Variants in NRXN3 observed in about 807,000 individuals in gnomAD.
The protein encoded by NRXN3 is neurexin 3.
Under a neutral mutation model 137.6 loss-of-function variants are expected in NRXN3, and 32 were observed. The observed-to-expected ratio is 0.23, with a 90% CI of 0.18 to 0.31. The LOEUF (loss-of-function observed/expected upper bound fraction) is 0.31. NRXN3 is among the 10% of genes least tolerant of loss of function. The pLI, the probability that NRXN3 is intolerant of heterozygous loss-of-function variation, is 1.00. For synonymous variants in NRXN3, 798 were observed against 784.5 expected (o/e 1.02, Z -0.29); for missense variants, 1,574 against 2,062.5 (o/e 0.76, Z 4.59).
chr14:78,375,510 T>C (rs1254250197), intron 4 of NRXN3, among the ~76,000 whole-genome samples: 1 of 152,192 alleles, frequency 6.6e-6, no homozygotes, highest in Non-Finnish European at 1.5e-5. Context: ...ATTCATCCAC[T>C]CATTACATAC....
At chr14:79,039,032 C>T (rs1264405408) in intron 15 of NRXN3, among the ~76,000 whole-genome samples, 5 of 152,050 alleles carry the variant, frequency 3.3e-5, no homozygotes, top group Non-Finnish European at 7.4e-5. Flanking sequence ...AAAAACACAA[C>T]CAGTGTCAGT....
intron 4 of NRXN3, among the ~76,000 whole-genome samples, chr14:78,406,476 A>G (rs2092492237): frequency 6.6e-6 from 1 of 152,200 alleles, no homozygotes; most frequent in South Asian, 2.1e-4. Flanking sequence ...ACCCTCTACT[A>G]AACAGCATAG....
chr14:79,224,401 T>G (rs1358436574), intron 15 of NRXN3, among the ~76,000 whole-genome samples: 1 of 152,182 alleles, frequency 6.6e-6, no homozygotes, highest in African/African-American at 2.4e-5. Flanking sequence ...ATTTAAAACT[T>G]TAATAATTAT....
intron 4 of NRXN3, among the ~76,000 whole-genome samples, chr14:78,569,188 C>T (rs1030094053): frequency 4.0e-5 from 6 of 151,642 alleles, no homozygotes; most frequent in Non-Finnish European, 7.4e-5. Flanking sequence ...AGGATGGTCT[C>T]GATCTCCTGA....
At chr14:79,549,589 A>G (rs1555517526) in intron 16 of NRXN3, among the ~76,000 whole-genome samples, 1 of 152,102 alleles carries the variant, frequency 6.6e-6, no homozygotes, top group African/African-American at 2.4e-5. Context: ...CTGGGTCAAC[A>G]TCTGCTCTGC....
intron 8 of NRXN3, among the ~76,000 whole-genome samples, chr14:78,796,550 C>A (rs1376881160): frequency 6.6e-6 from 1 of 152,148 alleles, no homozygotes; most frequent in African/African-American, 2.4e-5. Flanking sequence ...CAGCAATGAG[C>A]AAACTGGTAA....
chr14:79,612,878 A>G (rs916511568), intron 16 of NRXN3, among the ~76,000 whole-genome samples: 2 of 152,198 alleles, frequency 1.3e-5, no homozygotes, highest in African/African-American at 4.8e-5. Context: ...TAAAAATAAA[A>G]TGCTAAAATG....
At chr14:79,024,673 A>G (rs1159183933) in intron 15 of NRXN3, among the ~76,000 whole-genome samples, 1 of 152,128 alleles carries the variant, frequency 6.6e-6, no homozygotes, top group Non-Finnish European at 1.5e-5. Flanking sequence ...ATGGCCTTTC[A>G]GGGCTTGGTA....
intron 20 of NRXN3, among the ~76,000 whole-genome samples, chr14:79,856,722 TG>T (rs1459345469): frequency 3.9e-5 from 6 of 152,082 alleles, no homozygotes; most frequent in Non-Finnish European, 8.8e-5. Flanking sequence ...CTGTCTTTTT[TG>T]ATGGCAGTGA....
intron 15 of NRXN3, among the ~76,000 whole-genome samples, chr14:79,161,707 T>C (rs2060789893): frequency 6.6e-6 from 1 of 151,958 alleles, no homozygotes; most frequent in Non-Finnish European, 1.5e-5. Context: ...CATGATGCAC[T>C]CCACGTGTGA....
intron 20 of NRXN3, among the ~76,000 whole-genome samples, chr14:79,834,114 C>T (rs1420649937): frequency 6.6e-6 from 1 of 152,140 alleles, no homozygotes; most frequent in Non-Finnish European, 1.5e-5. Context: ...TATAGACAGA[C>T]TGGCAATCCA....
At chr14:78,881,817 G>C (rs931870745) in intron 10 of NRXN3, among the ~76,000 whole-genome samples, 2 of 151,650 alleles carry the variant, frequency 1.3e-5, no homozygotes, top group African/African-American at 4.9e-5. Flanking sequence ...GCAGAAATTT[G>C]CATAAGTAAT....
intron 19 of NRXN3, among the ~76,000 whole-genome samples, chr14:79,751,765 A>G (rs2098998640): frequency 6.6e-6 from 1 of 151,694 alleles, no homozygotes; most frequent in African/African-American, 2.4e-5. Flanking sequence ...TAATTTATTG[A>G]GAGTTTTTAG....
rs1047617164 is a variant in NRXN3, at chr14:78,741,604, T to C, written c.2044+26465T>C. Among the ~76,000 whole-genome samples, 5 of 152,332 alleles carry C rather than the reference T, an allele frequency of 3.3e-5. No homozygotes were observed. The South Asian group carries it at 1.0e-3, about 32-fold the overall frequency. The stretch of plus-strand genomic sequence containing the variant: ...GAAAAGTACGTACTCATGAAAAGCA[T>C]ATGTTCATGAAAGCATCACCACATA... On this transcript the variant is annotated intron_variant, in intron 8 of 20. Coordinates refer to ENST00000335750, the MANE Select transcript of NRXN3 (RefSeq NM_001330195.2).
chr14:78,548,814 A>G (rs763805076), intron 4 of NRXN3, among the ~76,000 whole-genome samples: 24 of 152,032 alleles, frequency 1.6e-4, no homozygotes, highest in Non-Finnish European at 2.4e-4. Context: ...TGCTTGTTCC[A>G]TTACCCAAGA....
intron 16 of NRXN3, among the ~76,000 whole-genome samples, chr14:79,470,919 T>TGTGTGTGTGA (rs1555467278): frequency 7.6e-6 from 1 of 131,346 alleles, no homozygotes; most frequent in African/African-American, 3.3e-5. Context: ...TGTGTGTGTG[T>TGTGTGTGTGA]GAGAGAGAGA....
intron 1 of NRXN3, among the ~76,000 whole-genome samples, chr14:78,188,799 A>G (rs970850092): frequency 6.6e-6 from 1 of 152,212 alleles, no homozygotes; most frequent in East Asian, 1.9e-4. Flanking sequence ...CGTCATACCT[A>G]CCCTACGGAT....
chr14:79,319,923 G>T (rs763897619), intron 15 of NRXN3, among the ~76,000 whole-genome samples: 3 of 152,008 alleles, frequency 2.0e-5, no homozygotes, highest in Non-Finnish European at 4.4e-5. Flanking sequence ...AATGCCCAAG[G>T]GTGTATTTTG....
At chr14:78,878,020 G>T (rs978567901) in intron 10 of NRXN3, among the ~76,000 whole-genome samples, 9 of 152,156 alleles carry the variant, frequency 5.9e-5, no homozygotes, top group African/African-American at 2.2e-4. Flanking sequence ...ATTCTTAACT[G>T]CTTTTTCTAT....
Sources: allele counts gnomAD v4.1 joint callset (sites outside exome capture counted in the v4.1 genomes callset), GRCh38; gene constraint gnomAD v4.1.1; transcripts MANE v1.5; gene names NCBI Gene and HGNC (gene_info 2026-07-23, HGNC 2026-07-21).